USP53: variants seen among roughly 807,000 people sequenced by gnomAD.
The protein encoded by USP53 is ubiquitin specific peptidase 53, also known as ubiquitin carboxyl-terminal hydrolase 53.
A neutral mutation model predicts 94.9 loss-of-function variants in USP53; 71 were observed. The observed-to-expected ratio is 0.75, with a 90% CI of 0.62 to 0.91. USP53 has a LOEUF of 0.91. Among genes scored for constraint, USP53 ranks in the 40% least tolerant of loss-of-function variants. USP53 has a pLI of 0.00. For synonymous variants in USP53, 375 were observed against 422.7 expected (o/e 0.89, Z 1.39); for missense variants, 1,173 against 1,281.0 (o/e 0.92, Z 1.29).
intron 3 of USP53, among the ~76,000 whole-genome samples, chr4:119,230,245 A>G (rs1578427133): frequency 6.6e-6 from 1 of 152,300 alleles, no homozygotes; most frequent in Non-Finnish European, 1.5e-5. Flanking sequence ...TCAAGTGATC[A>G]TATAAAACAT....
At chr4:119,212,701 C>T (rs1039849165), upstream of USP53, 1 of 341,316 alleles carries the variant, frequency 2.9e-6, no homozygotes, top group Non-Finnish European at 5.9e-6. Flanking sequence ...GGAGACCAGC[C>T]GCCTGTGCTC....
chr4:119,255,848 G>A (rs1428089361), intron 7 of USP53, among the ~76,000 whole-genome samples: 2 of 152,204 alleles, frequency 1.3e-5, no homozygotes, highest in African/African-American at 4.8e-5. Flanking sequence ...ACTGGGAGCT[G>A]TAGACCGGAG....
intron 3 of USP53, chr4:119,218,914 G>A (rs1458770787): frequency 6.6e-6 from 1 of 152,066 alleles, no homozygotes; most frequent in African/African-American, 2.4e-5. Context: ...TCTTTGAGGT[G>A]CTATATTGTT....
At chr4:119,213,818 C>G (rs1561165336) in intron 1 of USP53, among the ~76,000 whole-genome samples, 1 of 151,492 alleles carries the variant, frequency 6.6e-6, no homozygotes, top group East Asian at 1.9e-4. Flanking sequence ...TGCAGTGAGC[C>G]GAGATCGCGC....
At chr4:119,249,636 A>G (rs2088133681) in intron 7 of USP53, among the ~76,000 whole-genome samples, 1 of 148,164 alleles carries the variant, frequency 6.7e-6, no homozygotes, top group South Asian at 2.1e-4. Context: ...ATTGGTGTCC[A>G]TTCAACCTGT....
intron 5 of USP53, among the ~76,000 whole-genome samples, chr4:119,242,536 A>G (rs1747676839): frequency 6.6e-6 from 1 of 152,130 alleles, no homozygotes; most frequent in South Asian, 2.1e-4. Context: ...CCCAGGCCTC[A>G]GACAGTTTCC....
chr4:119,213,637 A>AATATATATAT (rs1178984967), intron 1 of USP53, among the ~76,000 whole-genome samples: 11 of 40,668 alleles, frequency 2.7e-4, no homozygotes, highest in African/African-American at 4.0e-4. Context: ...CTTATCTGGA[A>AATATATATAT]ATAGATATAT....
intron 17 of USP53, 81 bp from the exon 18 acceptor site, chr4:119,291,084 G>T (rs1754707897): frequency 4.3e-6 from 3 of 693,364 alleles, no homozygotes; most frequent in South Asian, 5.6e-5. Context: ...ATATAGAAAA[G>T]TATAAATGAA....
At chr4:119,253,220 A>G (rs1195940821) in intron 7 of USP53, among the ~76,000 whole-genome samples, 1 of 152,054 alleles carries the variant, frequency 6.6e-6, no homozygotes, top group Non-Finnish European at 1.5e-5. Flanking sequence ...AGTTCTGTAG[A>G]TGTCTATTAG....
rs183690653 is a variant in USP53, at chr4:119,237,416, G to A, written c.-542-1802G>A. On this transcript the variant is annotated intron_variant, in intron 4 of 18. Transcript: ENST00000692078. ...CTCGCCCGTCACGCAATGCATGTTC[G>A]TGGGGAACCTGGTGCTAAACTATTC... is the stretch of plus-strand genomic sequence containing the variant. Among the ~76,000 whole-genome samples the A allele has an allele frequency of 3.9e-5, 6 of 152,284 alleles. No homozygotes were observed. The East Asian group carries it at 9.7e-4, about 25-fold the overall frequency.
At position 119,212,737 on chromosome 4, in the gene USP53, T is replaced by G. The variant is rs6833072; in HGVS notation, c.-1078T>G. The G allele has an allele frequency of 3.0e-5, 10 of 332,972 alleles. No homozygotes were observed. The East Asian group carries it at 7.7e-4, about 26-fold the overall frequency. 20.6% of individuals were successfully genotyped at this position (332,972 alleles called of 1,614,324 possible). A position where few individuals can be genotyped will look rare whatever the true frequency, so the allele number is the denominator to read the frequency against. ...CAGTTCCCGGTGAGCCTCGGTACTGTGGCAGCAGTCAGTGTGTCTGGCGGG... is the reference window on the plus strand; with the variant it reads ...CAGTTCCCGGTGAGCCTCGGTACTGGGGCAGCAGTCAGTGTGTCTGGCGGG... On this transcript the variant is annotated 5_prime_UTR_variant, in exon 1 of 19. Transcript: ENST00000692078.
intron 18 of USP53, among the ~76,000 whole-genome samples, chr4:119,291,514 G>A (rs1181171796): frequency 3.3e-5 from 5 of 152,142 alleles, no homozygotes; most frequent in African/African-American, 1.2e-4. Flanking sequence ...AAAATTTGAA[G>A]CTTAGGTTAA....
intron 17 of USP53, among the ~76,000 whole-genome samples, chr4:119,284,547 A>T (rs1346346532): frequency 6.6e-6 from 1 of 151,888 alleles, no homozygotes; most frequent in Non-Finnish European, 1.5e-5. Flanking sequence ...GGGATTTCAC[A>T]TGCCTTAAAT....
chr4:119,268,188 A>C, intron 13 of USP53, 80 bp from the exon 14 acceptor site: 2 of 1,429,488 alleles, frequency 1.4e-6, no homozygotes, highest in Non-Finnish European at 1.9e-6. Flanking sequence ...AAAAAAAAAA[A>C]AAAAATCTGA....
At chr4:119,266,617 T>G (rs1751160231) in intron 12 of USP53, among the ~76,000 whole-genome samples, 1 of 152,162 alleles carries the variant, frequency 6.6e-6, no homozygotes, top group African/African-American at 2.4e-5. Flanking sequence ...AATGTCCAAT[T>G]TTTTGCCAGT....
chr4:119,213,641 G>GATATATTAGATATATATAGAT (rs1553961986), intron 1 of USP53, among the ~76,000 whole-genome samples: 1 of 108,108 alleles, frequency 9.3e-6, no homozygotes, highest in South Asian at 3.2e-4. Context: ...TCTGGAAATA[G>GATATATTAGATATATATAGAT]ATATATATAT....
chr4:119,294,208 G>A lies in USP53; in HGVS notation c.*997G>A, dbSNP rs769096486. ...CACTGTAATTGCCTACATTTTCTTT[G>A]CTGTAATATTACCTGCTTATAGGTT... On this transcript the variant is annotated 3_prime_UTR_variant, in exon 19 of 19. Transcript: ENST00000692078. The A allele has an allele frequency of 1.3e-5, 2 of 151,902 alleles. No individual in the cohort carries two copies. The highest frequency in any genetic ancestry group is 2.4e-5 in the African/African-American group (1 of 41,376). 9.4% of individuals were successfully genotyped at this position (151,902 alleles called of 1,614,324 possible).
intron 14 of USP53, among the ~76,000 whole-genome samples, chr4:119,268,901 G>A (rs1460266063): frequency 6.6e-6 from 1 of 152,136 alleles, no homozygotes; most frequent in Non-Finnish European, 1.5e-5. Flanking sequence ...TCTGTAACTT[G>A]GGTCCAGAAT....
At chr4:119,262,037 T>C (rs1419477350) in intron 12 of USP53, among the ~76,000 whole-genome samples, 173 bp downstream of exon 12, 1 of 152,202 alleles carries the variant, frequency 6.6e-6, no homozygotes, top group African/African-American at 2.4e-5. Context: ...ATTCTTGAAA[T>C]TGGCTTATTT....
Sources: gnomAD v4.1 joint callset for allele counts (sites outside exome capture counted in the v4.1 genomes callset) on GRCh38, gnomAD v4.1.1 for gene constraint, MANE v1.5 for transcripts, NCBI Gene and HGNC (gene_info 2026-07-23, HGNC 2026-07-21) for gene names.